The following IFT140 variants were observed in gnomAD, a reference collection of about 807,000 sequenced individuals.
IFT140 encodes intraflagellar transport 140.
Under a neutral mutation model 164.6 loss-of-function variants are expected in IFT140, and 133 were observed. That is an observed-to-expected ratio of 0.81 (90% CI 0.70 to 0.93). The LOEUF (loss-of-function observed/expected upper bound fraction) is 0.93. Ranked by LOEUF, IFT140 falls within the 40% of genes least tolerant of loss-of-function variation. The probability of loss-of-function intolerance (pLI) is 0.00; values close to 1 mark genes in which losing one functional copy is unlikely to be tolerated. For synonymous variants in IFT140, 860 were observed against 817.3 expected, an observed-to-expected ratio of 1.05 and a Z score of -0.89; for missense variants, 2,045 against 1,972.3, an observed-to-expected ratio of 1.04 and a Z score of -0.70.
chr16:1,590,200 CAAAAAA>C (rs559750583), intron 6 of IFT140, among the ~76,000 whole-genome samples: 2 of 78,278 alleles, frequency 2.6e-5, no homozygotes, highest in African/African-American at 8.6e-5. Context: ...GACTCTGTCT[CAAAAAA>C]AAAAAAAAAA....
chr16:1,512,341 C>T (rs900030104), intron 30 of IFT140, among the ~76,000 whole-genome samples: 3 of 151,960 alleles, frequency 2.0e-5, no homozygotes, highest in Admixed American at 6.6e-5. Flanking sequence ...TGGATGATGG[C>T]GGGAAAGCTG....
chr16:1,594,904 G>A (rs1455586507), intron 4 of IFT140, among the ~76,000 whole-genome samples: 2 of 152,378 alleles, frequency 1.3e-5, no homozygotes, highest in East Asian at 3.9e-4. Flanking sequence ...GCCTTTTCAG[G>A]CAGCACCGAC....
At chr16:1,554,704 C>G (rs1438285650) in intron 19 of IFT140, 10 of 1,575,840 alleles carry the variant, frequency 6.3e-6, no homozygotes, top group Non-Finnish European at 8.6e-6. Flanking sequence ...GGAACCTGCT[C>G]TAGGACAGAG....
chr16:1,549,015 C>A (rs765748670), intron 19 of IFT140, among the ~76,000 whole-genome samples: 1 of 152,236 alleles, frequency 6.6e-6, no homozygotes, highest in African/African-American at 2.4e-5. Context: ...AGCCACCTGG[C>A]GCTCTCCAGC....
Position 1,527,084 on chromosome 16 carries a change from C to T in IFT140, c.2400-288G>A, listed in dbSNP as rs576895797. On this transcript the variant is annotated intron_variant, in intron 19 of 30. Coordinates refer to ENST00000426508, the MANE Select transcript of IFT140 (RefSeq NM_014714.4). ...CCAGGCTCCTCCTCCTTTTTCCCTG[C>T]TCTAAGCGGCTGTCTGATCAGGAAA... 84 of 446,616 alleles carry T rather than the reference C, an allele frequency of 1.9e-4. 1 individual carries two copies. In the South Asian group the frequency reaches 3.8e-3, roughly 20 times the overall value. The allele number at this position is 446,616 out of a possible 1,614,324, so 27.7% of individuals were successfully genotyped here.
At position 1,519,959 on chromosome 16, in the gene IFT140, C is replaced by T. The variant is rs771318853; in HGVS notation, c.3962G>A (p.Ser1321Asn). 1.9e-6 allele frequency: 3 copies of T among 1,606,926 alleles called. No homozygotes were observed. In the South Asian group the frequency reaches 3.3e-5, roughly 18 times the overall value. ...CAGCCTGGTCTCCTGGTCCAGGGGG[C>T]TCTTGGCCTTGGCCTTGGCCAGGCA... is the stretch of plus-strand genomic sequence containing the variant. ...YKCLAKAKAK[S>N]PLDQETRLAQ... The change falls in exon 29 of 31, where the codon AGC becomes AAC. Residue 1321 changes from serine to asparagine, a missense_variant. Coordinates refer to ENST00000426508, the MANE Select transcript of IFT140 (RefSeq NM_014714.4).
At chr16:1,547,804 G>C (rs2032298539) in intron 19 of IFT140, among the ~76,000 whole-genome samples, 2 of 152,144 alleles carry the variant, frequency 1.3e-5, no homozygotes, top group African/African-American at 4.8e-5. Flanking sequence ...CCACAGCGCT[G>C]GGATTACAGG....
intron 19 of IFT140, among the ~76,000 whole-genome samples, chr16:1,556,443 A>G (rs12599206): frequency 0.42 from 63,747 of 151,914 alleles, 14,745 homozygotes; most frequent in African/African-American, 0.62. Flanking sequence ...GGCATCGGCC[A>G]AAAGGAGAAA....
At chr16:1,528,452 CATGCACACACACATGG>C (rs892257905) in intron 19 of IFT140, among the ~76,000 whole-genome samples, 7 of 151,336 alleles carry the variant, frequency 4.6e-5, no homozygotes, top group African/African-American at 7.3e-5. Context: ...CATTCACATG[CATGCACACACACATGG>C]ATGCACACAC....
intron 13 of IFT140, among the ~76,000 whole-genome samples, chr16:1,579,913 G>C (rs375284645): frequency 1.3e-5 from 2 of 150,288 alleles, no homozygotes; most frequent in South Asian, 2.1e-4. Flanking sequence ...GCAGCGAGCT[G>C]AGATCACGCC....
chr16:1,592,372 C>A, intron 5 of IFT140, 54 bp from the exon 6 acceptor site: 2 of 1,612,502 alleles, frequency 1.2e-6, no homozygotes, highest in Non-Finnish European at 1.7e-6. Flanking sequence ...TACAGCACCT[C>A]AGGGCTGGGG....
intron 19 of IFT140, among the ~76,000 whole-genome samples, chr16:1,529,023 G>C (rs1166474247): frequency 6.6e-6 from 1 of 152,200 alleles, no homozygotes; most frequent in Non-Finnish European, 1.5e-5. Context: ...ACTTGTGTCT[G>C]AGTCTAGGGG....
chr16:1,554,085 G>A (rs1248991486), intron 19 of IFT140: 1 of 1,287,200 alleles, frequency 7.8e-7, no homozygotes, highest in East Asian at 5.6e-5. Flanking sequence ...TGCCAGGGAG[G>A]AGGGAGGGTC....
At chr16:1,560,168 A>T (rs1368221791) in intron 18 of IFT140, among the ~76,000 whole-genome samples, 1 of 152,238 alleles carries the variant, frequency 6.6e-6, no homozygotes, top group Non-Finnish European at 1.5e-5. Context: ...TGTCTATTAA[A>T]ATACGGGAAT....
At chr16:1,595,898 T>C (rs1019091929) in intron 4 of IFT140, among the ~76,000 whole-genome samples, 9 of 151,918 alleles carry the variant, frequency 5.9e-5, no homozygotes, top group African/African-American at 1.2e-4. Flanking sequence ...ACTAAAAATA[T>C]AAATATTAGC....
Position 1,520,158 on chromosome 16 carries a change from C to A in IFT140, c.3846G>T (p.Leu1282=). 6.2e-7 allele frequency: 1 copy of A among 1,614,194 alleles called. No individual in the cohort carries two copies. Among genetic ancestry groups the A allele is most frequent in the South Asian group, 1.1e-5 (1 of 91,082 alleles). ...GGGCACAAGCGTCATAAAAGCCAGC[C>A]AGGAGGTCCAGGGCCCGCCCCTTGG... ...FYTKGRALDL[L]AGFYDACAQV... is the part of the protein sequence containing the mutation. The change falls in exon 28 of 31, where the codon CTG becomes CTT. Residue 1282 remains leucine, a synonymous_variant. Transcript: ENST00000426508.
intron 3 of IFT140, among the ~76,000 whole-genome samples, chr16:1,606,467 T>A (rs2036065938): frequency 6.6e-6 from 1 of 152,236 alleles, no homozygotes; most frequent in Admixed American, 6.5e-5. Flanking sequence ...GTTTTCTTTT[T>A]TTTCTTTTCT....
rs1380326045 is a variant in IFT140 at position 1,605,261 on chromosome 16, G to A, written c.147+1859C>T. Among the ~76,000 whole-genome samples the A allele has an allele frequency of 3.3e-5, 5 of 152,184 alleles. No individual in the cohort carries two copies. The South Asian group carries it at 6.2e-4, about 19-fold the overall frequency. On this transcript the variant is annotated intron_variant, in intron 3 of 30. Coordinates refer to ENST00000426508, the MANE Select transcript of IFT140 (RefSeq NM_014714.4). ...ATGTTTCCCAGAGGACTTCACAGGA[G>A]TGTGGTACAGACAAGGACCCCAAAA...
chr16:1,516,729 C>G (rs1259256076), intron 30 of IFT140, among the ~76,000 whole-genome samples: 1 of 146,566 alleles, frequency 6.8e-6, no homozygotes, highest in African/African-American at 2.5e-5. Context: ...GAGATTGCAC[C>G]ACCGCACTCC....
Sources: gnomAD v4.1 joint callset for allele counts (sites outside exome capture counted in the v4.1 genomes callset) on GRCh38, gnomAD v4.1.1 for gene constraint, MANE v1.5 for transcripts, NCBI Gene and HGNC (gene_info 2026-07-23, HGNC 2026-07-21) for gene names.